Variants in ERG observed in about 807,000 individuals in gnomAD.
The protein encoded by ERG is ETS transcription factor ERG.
Under a neutral mutation model 55.3 loss-of-function variants are expected in ERG, and 9 were observed. The observed-to-expected ratio is 0.16, with a 90% CI of 0.10 to 0.28. The LOEUF is 0.28. Among genes scored for constraint, ERG ranks in the 10% least tolerant of loss-of-function variants. The pLI, the probability that ERG is intolerant of heterozygous loss-of-function variation, is 1.00. For synonymous variants in ERG, 223 were observed against 237.3 expected (o/e 0.94, Z 0.55); for missense variants, 434 against 631.6 (o/e 0.69, Z 3.35).
At chr21:38,654,678 G>A (rs1266579420) in intron 1 of ERG, among the ~76,000 whole-genome samples, 1 of 152,162 alleles carries the variant, frequency 6.6e-6, no homozygotes, top group East Asian at 1.9e-4. Flanking sequence ...TTAAAACTCT[G>A]TAGTGAAGTA....
chr21:38,452,993 C>T (rs2058955102), intron 1 of ERG, among the ~76,000 whole-genome samples: 1 of 152,228 alleles, frequency 6.6e-6, no homozygotes, highest in Non-Finnish European at 1.5e-5. Flanking sequence ...GGTGATATTA[C>T]AGCCCCATCA....
intron 5 of ERG, 67 bp from the exon 6 acceptor site, chr21:38,400,712 G>T: frequency 1.6e-6 from 2 of 1,238,622 alleles, no homozygotes; most frequent in Non-Finnish European, 2.3e-6. Context: ...CAACATCAGC[G>T]CCAAATCTAC....
Position 38,381,036 on chromosome 21 carries a change from G to A in ERG, c.*2367C>T, listed in dbSNP as rs1987408443. 1 of 1,064,252 alleles carries A rather than the reference G, an allele frequency of 9.4e-7. No homozygotes were observed. Among genetic ancestry groups the A allele is most frequent in the Non-Finnish European group, 1.1e-6 (1 of 878,762 alleles). 65.9% of individuals were successfully genotyped at this position (1,064,252 alleles called of 1,614,324 possible). A position where few individuals can be genotyped will look rare whatever the true frequency, so the allele number is the denominator to read the frequency against. ...CCTAAGGAGATACGGGCACTTTGTG[G>A]GCCTTCCCAGGCTGCTGCAAAATGA... On this transcript the variant is annotated 3_prime_UTR_variant, in exon 10 of 10. Coordinates refer to ENST00000288319, the MANE Select transcript of ERG (RefSeq NM_182918.4).
At chr21:38,639,183 C>T (rs1387781042) in intron 1 of ERG, among the ~76,000 whole-genome samples, 1 of 152,178 alleles carries the variant, frequency 6.6e-6, no homozygotes, top group Non-Finnish European at 1.5e-5. Flanking sequence ...ACGGCACACA[C>T]CCCCAGCCAA....
Position 38,498,342 on chromosome 21 carries a change from TA to T in ERG, c.18+20del. 1.9e-6 allele frequency: 3 copies of T among 1,599,466 alleles called. No individual in the cohort carries two copies. Among genetic ancestry groups the T allele is most frequent in the Non-Finnish European group, 2.6e-6 (3 of 1,168,316 alleles). ...TAACAAGAACAAGATTTTGTCAAAT[TA>T]AAAGGAACCCTTTCCTTACCTTAAT... On this transcript the variant is annotated intron_variant, in intron 1 of 9. Transcript: ENST00000288319. This position sits in a 1 kb window ranked among gnomAD's most constrained non-coding sequence, Gnocchi z 4.6.
At chr21:38,568,021 G>C (rs2146848837) in intron 2 of ERG, among the ~76,000 whole-genome samples, 1 of 152,248 alleles carries the variant, frequency 6.6e-6, no homozygotes, top group East Asian at 1.9e-4. Context: ...GGCAGCCGTG[G>C]AACAATGTGG....
chr21:38,391,943 T>G (rs944904357), intron 7 of ERG, among the ~76,000 whole-genome samples: 1 of 146,816 alleles, frequency 6.8e-6, no homozygotes, highest in Non-Finnish European at 1.5e-5. Flanking sequence ...TACCTCCCAC[T>G]TTTTCCAAAA....
intron 1 of ERG, among the ~76,000 whole-genome samples, chr21:38,581,706 G>A (rs184281705): frequency 1.3e-5 from 2 of 152,280 alleles, no homozygotes; most frequent in Admixed American, 6.5e-5. Context: ...CTTCTGGGCT[G>A]GTGAGCATAT....
intron 1 of ERG, among the ~76,000 whole-genome samples, chr21:38,472,981 T>C (rs1329872450): frequency 6.6e-6 from 1 of 151,930 alleles, no homozygotes; most frequent in South Asian, 2.1e-4. Flanking sequence ...TGACCTCGGC[T>C]CCCCGCCTGC....
At chr21:38,448,336 G>C (rs1358703165) in intron 1 of ERG, among the ~76,000 whole-genome samples, 1 of 152,180 alleles carries the variant, frequency 6.6e-6, no homozygotes, top group Non-Finnish European at 1.5e-5. Flanking sequence ...AAATGAGGAA[G>C]GGAATATAAT....
intron 1 of ERG, among the ~76,000 whole-genome samples, chr21:38,613,536 C>G (rs2060241013): frequency 6.6e-6 from 1 of 152,178 alleles, no homozygotes; most frequent in East Asian, 1.9e-4. Flanking sequence ...TAGCTCAGTC[C>G]CCAAAATGCA....
chr21:38,487,685 T>C (rs1048513697), intron 1 of ERG, among the ~76,000 whole-genome samples: 4 of 152,202 alleles, frequency 2.6e-5, no homozygotes, highest in Admixed American at 6.5e-5. Context: ...TAAGGATGAA[T>C]GCTGGAGCTG....
intron 9 of ERG, among the ~76,000 whole-genome samples, chr21:38,386,114 T>G (rs987017496): frequency 6.6e-6 from 1 of 152,200 alleles, no homozygotes; most frequent in Non-Finnish European, 1.5e-5. Flanking sequence ...TCTCTCCTAT[T>G]TCTGAAGAGT....
At chr21:38,544,293 T>C (rs2059774332) in intron 2 of ERG, among the ~76,000 whole-genome samples, 1 of 152,170 alleles carries the variant, frequency 6.6e-6, no homozygotes, top group South Asian at 2.1e-4. Flanking sequence ...CCTCAGGCCC[T>C]GGAGGAAGGC....
chr21:38,429,147 C>T (rs1040990568), intron 2 of ERG, among the ~76,000 whole-genome samples: 1 of 152,050 alleles, frequency 6.6e-6, no homozygotes, highest in Non-Finnish European at 1.5e-5. Flanking sequence ...TTTGGTTTTC[C>T]ATTCCTGAGT....
chr21:38,614,428 T>G (rs2060247046), intron 1 of ERG, among the ~76,000 whole-genome samples: 1 of 152,202 alleles, frequency 6.6e-6, no homozygotes. Context: ...ACATCTACTC[T>G]GGGTTTCTGG....
intron 1 of ERG, among the ~76,000 whole-genome samples, chr21:38,468,684 C>T (rs866327047): frequency 9.4e-4 from 143 of 152,126 alleles, no homozygotes; most frequent in African/African-American, 3.4e-3. Flanking sequence ...AGACCATGCT[C>T]ACTATGAAAA....
intron 2 of ERG, among the ~76,000 whole-genome samples, chr21:38,530,934 T>G (rs1385917258): frequency 1.3e-5 from 2 of 152,192 alleles, no homozygotes; most frequent in Non-Finnish European, 2.9e-5. Context: ...AAGTTCTACA[T>G]GGGAAGCTGC....
rs774331718 is a variant in ERG, at chr21:38,382,732, A to G, written c.*671T>C. On this transcript the variant is annotated 3_prime_UTR_variant, in exon 10 of 10. Transcript: ENST00000288319. ...CTGTCTACAATCACACGCTCACTCTATACACATCCTCAGTCCCACCTTTTA... is the reference window on the plus strand; with the variant it reads ...CTGTCTACAATCACACGCTCACTCTGTACACATCCTCAGTCCCACCTTTTA... 1.9e-6 allele frequency: 2 copies of G among 1,066,250 alleles called. No homozygotes were observed. The highest frequency in any genetic ancestry group is 1.1e-6 in the Non-Finnish European group (1 of 879,722). 66.0% of individuals were successfully genotyped at this position (1,066,250 alleles called of 1,614,324 possible).
Sources: allele counts gnomAD v4.1 joint callset (sites outside exome capture counted in the v4.1 genomes callset), GRCh38; gene constraint gnomAD v4.1.1; non-coding constraint Gnocchi (gnomAD v3.1); transcripts MANE v1.5; gene names NCBI Gene and HGNC (gene_info 2026-07-23, HGNC 2026-07-21).